Variants in CDH8 observed in about 807,000 individuals in gnomAD.
CDH8 encodes the protein cadherin 8.
Under a neutral mutation model 68.1 loss-of-function variants are expected in CDH8, and 17 were observed. That is an observed-to-expected ratio of 0.25 (90% CI 0.17 to 0.37). The LOEUF (loss-of-function observed/expected upper bound fraction) is 0.37. Among genes scored for constraint, CDH8 ranks in the 10% least tolerant of loss-of-function variants. The pLI is 1.00. For synonymous variants in CDH8, 372 were observed against 365.1 expected, an observed-to-expected ratio of 1.02 and a Z score of -0.21; for missense variants, 763 against 999.3, an observed-to-expected ratio of 0.76 and a Z score of 3.19.
intron 4 of CDH8, among the ~76,000 whole-genome samples, chr16:61,842,514 C>T (rs1019735909): frequency 2.0e-5 from 3 of 152,042 alleles, no homozygotes; most frequent in African/African-American, 2.4e-5. Flanking sequence ...GAACTGTGAA[C>T]AAATAAACTT....
chr16:61,896,604 C>T (rs970067568), intron 3 of CDH8, among the ~76,000 whole-genome samples: 1 of 152,132 alleles, frequency 6.6e-6, no homozygotes, highest in African/African-American at 2.4e-5. Context: ...CAGATATTCA[C>T]CTTCATGAGA....
At chr16:61,987,585 G>A (rs994819991) in intron 2 of CDH8, among the ~76,000 whole-genome samples, 1 of 152,066 alleles carries the variant, frequency 6.6e-6, no homozygotes, top group African/African-American at 2.4e-5. Flanking sequence ...CCTCCGTTTG[G>A]TAGGGAAGAA....
At position 61,916,745 on chromosome 16, in the gene CDH8, G is replaced by T. The variant is rs921158688; in HGVS notation, c.253-15272C>A. Among the ~76,000 whole-genome samples the T allele has an allele frequency of 2.0e-5, 3 of 152,094 alleles. No homozygotes were observed. In the South Asian group the frequency reaches 6.2e-4, roughly 32 times the overall value. On this transcript the variant is annotated intron_variant, in intron 2 of 11. Coordinates refer to ENST00000577390, the MANE Select transcript of CDH8 (RefSeq NM_001796.5). ...AAAAAGCTCACCTGGGCAGGAGTTAGGGGAGAATATCTGCTTTCTGCCATA... is the reference window on the plus strand; with the variant it reads ...AAAAAGCTCACCTGGGCAGGAGTTATGGGAGAATATCTGCTTTCTGCCATA...
chr16:61,970,014 C>A (rs1965313234), intron 2 of CDH8, among the ~76,000 whole-genome samples: 1 of 152,312 alleles, frequency 6.6e-6, no homozygotes, highest in African/African-American at 2.4e-5. Context: ...CACATAGTAT[C>A]TCTGATCTTC....
chr16:61,927,342 G>T (rs1737263409), intron 2 of CDH8, among the ~76,000 whole-genome samples: 1 of 151,908 alleles, frequency 6.6e-6, no homozygotes. Context: ...ATCTTGATTT[G>T]CTAAACATTA....
At position 61,647,662 on chromosome 16, in the gene CDH8, T is replaced by C. The variant is rs1963234087; in HGVS notation, c.*5946A>G. ...ACTCCTAAATTGTCATGGTCCATCT[T>C]AGAGCATAATTGTTAAAATTTTCCT... is the stretch of plus-strand genomic sequence containing the variant. On this transcript the variant is annotated 3_prime_UTR_variant, in exon 12 of 12. Transcript: ENST00000577390. The C allele has an allele frequency of 1.6e-6, 1 of 613,728 alleles. No homozygotes were observed. Among genetic ancestry groups the C allele is most frequent in the African/African-American group, 1.9e-5 (1 of 53,650 alleles). 38.0% of individuals were successfully genotyped at this position (613,728 alleles called of 1,614,324 possible).
chr16:61,846,519 C>G (rs1962809527), intron 4 of CDH8, among the ~76,000 whole-genome samples: 1 of 152,080 alleles, frequency 6.6e-6, no homozygotes, highest in South Asian at 2.1e-4. Context: ...GAGTACCTGT[C>G]TTCTTTTCCT....
At chr16:61,913,774 A>G (rs367689948) in intron 2 of CDH8, among the ~76,000 whole-genome samples, 6 of 152,126 alleles carry the variant, frequency 3.9e-5, no homozygotes, top group African/African-American at 1.4e-4. Flanking sequence ...CATAAATAAA[A>G]CTGTTGGAAA....
At chr16:61,663,474 A>G (rs559554232) in intron 10 of CDH8, among the ~76,000 whole-genome samples, 104 of 152,074 alleles carry the variant, frequency 6.8e-4, no homozygotes, top group African/African-American at 2.4e-3. Flanking sequence ...AATAAAATGT[A>G]TATGTTTTAT....
intron 4 of CDH8, among the ~76,000 whole-genome samples, chr16:61,845,806 CA>C (rs1245157516): frequency 6.6e-6 from 1 of 152,040 alleles, no homozygotes; most frequent in African/African-American, 2.4e-5. Flanking sequence ...CATGAGAACT[CA>C]AAAACTGTCT....
chr16:61,806,771 GAT>G (rs1961793101), intron 7 of CDH8, among the ~76,000 whole-genome samples: 1 of 44,044 alleles, frequency 2.3e-5, no homozygotes, highest in Admixed American at 3.1e-4. Flanking sequence ...ACCACAATGA[GAT>G]ACCATCTCAC....
At chr16:61,929,183 A>G (rs1201047538) in intron 2 of CDH8, among the ~76,000 whole-genome samples, 2 of 152,180 alleles carry the variant, frequency 1.3e-5, no homozygotes, top group African/African-American at 2.4e-5. Flanking sequence ...TGCTGGGATT[A>G]CAGGCGTGAG....
intron 1 of CDH8, among the ~76,000 whole-genome samples, chr16:62,034,219 G>A (rs569517486): frequency 1.6e-4 from 21 of 133,122 alleles, no homozygotes; most frequent in East Asian, 4.2e-4. Context: ...ACACACACAC[G>A]CACACGAAGA....
intron 7 of CDH8, among the ~76,000 whole-genome samples, chr16:61,807,635 C>T (rs1209527815): frequency 3.3e-5 from 5 of 152,094 alleles, no homozygotes; most frequent in South Asian, 2.1e-4. Flanking sequence ...ATGTGAGGGG[C>T]GTGGTCAGGA....
chr16:61,736,159 A>AAGGAAGGAAAGAAG (rs1567446592), intron 8 of CDH8, among the ~76,000 whole-genome samples: 1 of 61,750 alleles, frequency 1.6e-5, no homozygotes, highest in African/African-American at 7.6e-5. Context: ...AAGGAAGGAA[A>AAGGAAGGAAAGAAG]GAAGGAAGGA....
intron 10 of CDH8, among the ~76,000 whole-genome samples, chr16:61,687,219 G>A (rs1964127314): frequency 6.6e-6 from 1 of 151,602 alleles, no homozygotes; most frequent in African/African-American, 2.4e-5. Flanking sequence ...GTAAAAGAAA[G>A]TGGCAATGTT....
At chr16:61,788,033 A>T (rs1379650130) in intron 8 of CDH8, among the ~76,000 whole-genome samples, 1 of 151,260 alleles carries the variant, frequency 6.6e-6, no homozygotes, top group African/African-American at 2.4e-5. Flanking sequence ...GCACATGTAT[A>T]CATATGTAAC....
At chr16:61,658,242 T>C (rs539414017) in intron 10 of CDH8, among the ~76,000 whole-genome samples, 17 of 152,208 alleles carry the variant, frequency 1.1e-4, no homozygotes, top group Admixed American at 1.1e-3. Context: ...GTTCTTGGAA[T>C]AATTTTTTAT....
intron 8 of CDH8, among the ~76,000 whole-genome samples, chr16:61,758,904 TG>T (rs764155079): frequency 2.0e-5 from 3 of 152,100 alleles, no homozygotes; most frequent in African/African-American, 4.8e-5. Flanking sequence ...CCATTTATGC[TG>T]GGGGTTGCAA....
Sources: gnomAD v4.1 joint callset for allele counts (sites outside exome capture counted in the v4.1 genomes callset) on GRCh38, gnomAD v4.1.1 for gene constraint, MANE v1.5 for transcripts, NCBI Gene and HGNC (gene_info 2026-07-23, HGNC 2026-07-21) for gene names.